The following KIR3DL1 variants were observed in gnomAD, a reference collection of about 807,000 sequenced individuals.
KIR3DL1 encodes killer cell immunoglobulin-like receptor 3DL1.
KIR3DL1 carries 50 observed loss-of-function variants against 40.3 expected under a neutral mutation model. The ratio of observed to expected loss-of-function variants is 1.24; its 90% CI spans 0.99 to 1.57. The LOEUF is 1.57. Ranked by LOEUF, KIR3DL1 falls within the 40% of genes most tolerant of loss-of-function variation. The pLI, the probability that KIR3DL1 is intolerant of heterozygous loss-of-function variation, is 0.00. For missense variants in KIR3DL1, 661 were observed against 559.9 expected, an observed-to-expected ratio of 1.18 and a Z score of -1.82; for synonymous variants, 257 against 207.2, an observed-to-expected ratio of 1.24 and a Z score of -2.07.
At chr19:54,818,419 A>G in exon 3 of KIR3DL1, 1 of 1,607,508 alleles carries the variant, frequency 6.2e-7, no homozygotes, top group Non-Finnish European at 8.5e-7. Context: ...TAACAATTTC[A>G]TGCTATACAA....
chr19:54,820,072 C>T (rs1248007396), intron 4 of KIR3DL1, 60 bp downstream of exon 4: 1 of 1,544,562 alleles, frequency 6.5e-7, no homozygotes, highest in Non-Finnish European at 8.9e-7. Flanking sequence ...TGATCCAGGA[C>T]TTGGAACCCC....
chr19:54,821,657 T>C, exon 5 of KIR3DL1: 1 of 1,609,892 alleles, frequency 6.2e-7, no homozygotes, highest in Non-Finnish European at 8.5e-7. Flanking sequence ...CCGGAGCTCC[T>C]ATGACATGTA....
chr19:54,820,589 A>G (rs2061584251), intron 4 of KIR3DL1, among the ~76,000 whole-genome samples: 1 of 151,504 alleles, frequency 6.6e-6, no homozygotes, highest in South Asian at 2.1e-4. Context: ...CATATTCCAA[A>G]TAATCCCACA....
At position 54,827,272 on chromosome 19, in the gene KIR3DL1, G is replaced by C. The variant is rs1253301870; in HGVS notation, c.1001-2089G>C. On this transcript the variant is annotated intron_variant, in intron 6 of 8. Coordinates refer to ENST00000391728, the Ensembl canonical transcript of KIR3DL1. Reference sequence around the variant, plus strand: ...AAGGAGTGACAGATATATGAGGGGTGGTGGAAATGAAGGGACCTATTATAG... The same window carrying C: ...AAGGAGTGACAGATATATGAGGGGTCGTGGAAATGAAGGGACCTATTATAG... Among the ~76,000 whole-genome samples the C allele has an allele frequency of 5.9e-5, 9 of 151,370 alleles. No homozygotes were observed. The East Asian group carries it at 1.7e-3, about 29-fold the overall frequency.
At chr19:54,818,334 C>T in exon 3 of KIR3DL1, 1 of 1,601,778 alleles carries the variant, frequency 6.2e-7, no homozygotes, top group South Asian at 1.1e-5. Flanking sequence ...ACAAACCCTT[C>T]CTGTCTGCCT....
Position 54,818,293 on chromosome 19 carries a change from G to A in KIR3DL1, c.71-22G>A, listed in dbSNP as rs371598807. 599 of 1,588,418 alleles carry A rather than the reference G, an allele frequency of 3.8e-4. 7 individuals carry two copies. The East Asian group carries it at 0.013, about 34-fold the overall frequency. ...GCGGCTCCACATCCTCCTCTCTAAG[G>A]CAGTGCCTCCTTCTCCCCCAGGTGG... On this transcript the variant is annotated intron_variant, in intron 2 of 8. Transcript: ENST00000391728.
chr19:54,821,160 A>G (rs1601347416), intron 4 of KIR3DL1, among the ~76,000 whole-genome samples: 1 of 150,494 alleles, frequency 6.6e-6, no homozygotes, highest in East Asian at 1.9e-4. Flanking sequence ...CAATTGATAG[A>G]GAGATAGATA....
chr19:54,829,458 CA>C lies in KIR3DL1; in HGVS notation c.1105del (p.Asn369MetfsTer4). 9 of 1,464,472 alleles carry C rather than the reference CA, an allele frequency of 6.1e-6. No homozygotes were observed. The highest frequency in any genetic ancestry group is 1.9e-5 in the Admixed American group (1 of 53,016). 90.7% of individuals were successfully genotyped at this position (1,464,472 alleles called of 1,614,324 possible). ...TTCTCCTTCATCTCTGGTGCTCCAACAAAAAAAGTAAGTCTCACGGGGCACA... is the reference window on the plus strand; with the variant it reads ...TTCTCCTTCATCTCTGGTGCTCCAACAAAAAAGTAAGTCTCACGGGGCACA... On this transcript the variant is annotated frameshift_variant, in exon 7 of 9. Transcript: ENST00000391728. LOFTEE classifies it high-confidence loss of function.
At chr19:54,817,085 G>C (rs1464077776) in intron 1 of KIR3DL1, among the ~76,000 whole-genome samples, 2 of 147,730 alleles carry the variant, frequency 1.4e-5, no homozygotes, top group African/African-American at 5.1e-5. Flanking sequence ...GTGGAGATAC[G>C]GGCCTGGAGC....
rs1253074185 is a variant in KIR3DL1 at position 54,817,521 on chromosome 19, T to A, written c.35-13T>A. 6.6e-7 allele frequency: 1 copy of A among 1,504,420 alleles called. No homozygotes were observed. The highest frequency in any genetic ancestry group is 2.5e-5 in the East Asian group (1 of 40,568). The allele number at this position is 1,504,420 out of a possible 1,614,324, so 93.2% of individuals were successfully genotyped here. ...CCTGCAGAGGGATGGTCCATCATGA[T>A]CTTTCTTTCTAGGGTTGTTCTTGGT... is the stretch of plus-strand genomic sequence containing the variant. On this transcript the variant is annotated splice_polypyrimidine_tract_variant and intron_variant, in intron 1 of 8. Transcript: ENST00000391728.
chr19:54,818,271 G>T (rs1601309488), intron 2 of KIR3DL1, 44 bp from the exon 3 acceptor site: 1 of 1,566,294 alleles, frequency 6.4e-7, no homozygotes, highest in Non-Finnish European at 8.7e-7. Context: ...GTGAGGGGCG[G>T]CTCCACATCC....
rs376831674 is a variant in KIR3DL1, at chr19:54,817,369, C to G, written c.35-165C>G. 6.2e-5 allele frequency among the ~76,000 whole-genome samples: 9 copies of G among 144,324 alleles called. No homozygotes were observed. The East Asian group carries it at 8.3e-4, about 13-fold the overall frequency. The allele number at this position is 144,324 out of a possible 152,430, so 94.7% of individuals were successfully genotyped here. On this transcript the variant is annotated intron_variant, in intron 1 of 8. Coordinates refer to ENST00000391728, the Ensembl canonical transcript of KIR3DL1. ...AGAGATCTGGGCCTGGAGGCTCAGT[C>G]TCTGCACAGCCGAGATCCTTGTTCC...
chr19:54,820,008 C>T, exon 4 of KIR3DL1: 1 of 1,609,674 alleles, frequency 6.2e-7, no homozygotes, highest in Non-Finnish European at 8.5e-7. Flanking sequence ...ACATCGTGGT[C>T]ACAGGTGAGA....
intron 5 of KIR3DL1, among the ~76,000 whole-genome samples, 162 bp downstream of exon 5, chr19:54,822,020 C>T (rs1301333356): frequency 6.6e-6 from 1 of 151,250 alleles, no homozygotes; most frequent in South Asian, 2.1e-4. Flanking sequence ...CACCTCCAAA[C>T]CCTCCTTCAT....
At chr19:54,819,600 G>T in intron 3 of KIR3DL1, 113 bp from the exon 4 acceptor site, 1 of 1,272,734 alleles carries the variant, frequency 7.9e-7, no homozygotes, top group Non-Finnish European at 1.1e-6. Flanking sequence ...ACACGGAGAT[G>T]CAGAGAGGGA....
chr19:54,822,750 G>A (rs2061701098), intron 5 of KIR3DL1, among the ~76,000 whole-genome samples: 1 of 80,318 alleles, frequency 1.2e-5, no homozygotes, highest in Non-Finnish European at 3.2e-5. Flanking sequence ...CCTGCATGTG[G>A]GTGAGAAATG....
chr19:54,819,728 C>T (rs777579563), exon 4 of KIR3DL1: 2 of 1,608,712 alleles, frequency 1.2e-6, no homozygotes, highest in African/African-American at 1.3e-5. Flanking sequence ...CACAGAAAAC[C>T]TTCCCTCCTG....
chr19:54,824,876 C>T (rs959778108), intron 5 of KIR3DL1, 152 bp from the exon 6 acceptor site: 57 of 773,842 alleles, frequency 7.4e-5, no homozygotes, highest in Admixed American at 6.2e-4. Flanking sequence ...CAGTGGGCAT[C>T]GCACACAAAA....
At chr19:54,819,128 A>G (rs1442181579) in intron 3 of KIR3DL1, among the ~76,000 whole-genome samples, 1 of 151,230 alleles carries the variant, frequency 6.6e-6, no homozygotes, top group Non-Finnish European at 1.5e-5. Flanking sequence ...TGATTTCAGC[A>G]CAGGGAGAAC....
Sources: gnomAD v4.1 joint callset for allele counts (sites outside exome capture counted in the v4.1 genomes callset) on GRCh38, gnomAD v4.1.1 for gene constraint, MANE v1.5 for transcripts, NCBI Gene and HGNC (gene_info 2026-07-23, HGNC 2026-07-21) for gene names.